The following ATL2 variants were observed in gnomAD, a reference collection of about 807,000 sequenced individuals.
ATL2 encodes atlastin GTPase 2, also known as atlastin-2.
In ATL2, 31 loss-of-function variants were observed where a neutral mutation model predicts 73.9. The observed-to-expected ratio is 0.42, with a 90% confidence interval of 0.32 to 0.57. The LOEUF is 0.57. Ranked by LOEUF, ATL2 falls within the 20% of genes least tolerant of loss-of-function variation. The pLI, the probability that ATL2 is intolerant of heterozygous loss-of-function variation, is 0.14. For missense variants in ATL2, 738 were observed against 702.6 expected, an observed-to-expected ratio of 1.05 and a Z score of -0.57; for synonymous variants, 291 against 237.5, an observed-to-expected ratio of 1.23 and a Z score of -2.07.
chr2:38,315,686 G>A (rs902275541), intron 4 of ATL2, among the ~76,000 whole-genome samples: 113 of 152,108 alleles, frequency 7.4e-4, no homozygotes, highest in African/African-American at 2.7e-3. Context: ...AAGAGTGTAG[G>A]TTATTTCCAC....
intron 2 of ATL2, among the ~76,000 whole-genome samples, chr2:38,338,344 T>C (rs977743149): frequency 6.0e-5 from 8 of 132,290 alleles, no homozygotes; most frequent in Middle Eastern, 3.8e-3. Context: ...TGAAAAACTA[T>C]TGGTTACTAC....
At chr2:38,315,404 T>C in intron 4 of ATL2, 70 bp from the exon 5 acceptor site, 1 of 1,440,772 alleles carries the variant, frequency 6.9e-7, no homozygotes. Context: ...TGTATAACTT[T>C]ACTTGTGGAA....
At chr2:38,326,118 C>T (rs878985900) in intron 2 of ATL2, among the ~76,000 whole-genome samples, 4 of 152,086 alleles carry the variant, frequency 2.6e-5, no homozygotes, top group South Asian at 2.1e-4. Context: ...AGGTGGCATA[C>T]GATGCTTCTG....
chr2:38,360,161 T>C (rs913702261), intron 1 of ATL2, among the ~76,000 whole-genome samples: 17 of 149,064 alleles, frequency 1.1e-4, no homozygotes, highest in African/African-American at 4.2e-4. Context: ...AATACTAAAG[T>C]AAATTTAAAT....
chr2:38,365,993 A>G (rs1414068814), intron 1 of ATL2, among the ~76,000 whole-genome samples: 2 of 152,084 alleles, frequency 1.3e-5, no homozygotes, highest in Non-Finnish European at 2.9e-5. Context: ...ACTTGGCTCA[A>G]TACAGACAAA....
At chr2:38,309,272 ACT>A (rs1238528669) in intron 9 of ATL2, 105 bp downstream of exon 9, 21 of 1,069,986 alleles carry the variant, frequency 2.0e-5, no homozygotes, top group East Asian at 1.6e-4. Flanking sequence ...CACAAATCTT[ACT>A]CTTTTTTGTT....
chr2:38,309,438 C>T lies in ATL2; in HGVS notation c.1012G>A (p.Val338Ile). The change falls in exon 9 of 13, where the codon GTA (valine) becomes ATA (isoleucine). Residue 338 changes from valine (V) to isoleucine (I), a missense_variant. Physicochemically the swap from Val to Ile is conservative, Grantham distance 29 (BLOSUM62 3). Coordinates refer to ENST00000378954, the MANE Select transcript of ATL2 (RefSeq NM_001135673.4). ...VPLLLAPENL[V>I]EKEISGSKVT... ...TTAGATCCACTTATCTCTTTTTCTA[C>T]CAAATTTTCAGGGGCAAGCAGCAAT... 6 of 1,612,606 alleles carry T rather than the reference C, an allele frequency of 3.7e-6. No individual in the cohort carries two copies. Among genetic ancestry groups the T allele is most frequent in the Non-Finnish European group, 5.1e-6 (6 of 1,179,662 alleles).
rs924373914 is a variant in ATL2, at chr2:38,296,414, G to A, written c.1633-301C>T. The A allele has an allele frequency of 3.0e-5, 46 of 1,544,044 alleles. No individual in the cohort carries two copies. The Admixed American group carries it at 3.5e-4, about 12-fold the overall frequency. ...AGCATTTATGCAGACCGGCCCAGACGGTCCTGCTTATTGTCCTACATGTGT... is the reference window on the plus strand; with the variant it reads ...AGCATTTATGCAGACCGGCCCAGACAGTCCTGCTTATTGTCCTACATGTGT... On this transcript the variant is annotated intron_variant, in intron 12 of 12. Transcript: ENST00000378954.
intron 2 of ATL2, among the ~76,000 whole-genome samples, chr2:38,342,450 A>C (rs1431803155): frequency 6.6e-6 from 1 of 152,206 alleles, no homozygotes; most frequent in Non-Finnish European, 1.5e-5. Context: ...GAATACCATA[A>C]TATTTGAGGA....
intron 1 of ATL2, among the ~76,000 whole-genome samples, chr2:38,370,099 G>A (rs1671582666): frequency 7.1e-6 from 1 of 140,520 alleles, no homozygotes; most frequent in Non-Finnish European, 1.5e-5. Flanking sequence ...AGCCTGCAGT[G>A]AGCCGAGATC....
chr2:38,345,942 A>G (rs1477292926), intron 1 of ATL2, among the ~76,000 whole-genome samples: 1 of 152,242 alleles, frequency 6.6e-6, no homozygotes, highest in Non-Finnish European at 1.5e-5. Flanking sequence ...TATGCTACGC[A>G]GTAAGCACCA....
chr2:38,320,787 G>C (rs1212354694), intron 2 of ATL2, among the ~76,000 whole-genome samples: 2 of 152,084 alleles, frequency 1.3e-5, no homozygotes, highest in Non-Finnish European at 2.9e-5. Flanking sequence ...GTTAAGACAG[G>C]ACCAATGAGG....
intron 2 of ATL2, among the ~76,000 whole-genome samples, chr2:38,329,295 G>GT (rs1161660821): frequency 1.3e-5 from 2 of 150,580 alleles, no homozygotes; most frequent in African/African-American, 4.9e-5. Context: ...AGGCATGGTG[G>GT]TGGGCGCCTG....
chr2:38,348,952 G>A (rs1205112758), intron 1 of ATL2, among the ~76,000 whole-genome samples: 1 of 152,048 alleles, frequency 6.6e-6, no homozygotes, highest in Non-Finnish European at 1.5e-5. Flanking sequence ...TCAGAGAAAC[G>A]CAAATCAAAA....
intron 1 of ATL2, among the ~76,000 whole-genome samples, chr2:38,355,949 G>A (rs1230997128): frequency 2.0e-5 from 3 of 151,080 alleles, no homozygotes; most frequent in East Asian, 1.9e-4. Context: ...CCACCACCTC[G>A]CCCTCCCAAA....
chr2:38,334,862 T>C lies in ATL2; in HGVS notation c.363+8406A>G, dbSNP rs530135370. ...TTATAATTTATATTCAATATTTATA[T>C]ATTATATAATATATATTATATAATA... On this transcript the variant is annotated intron_variant, in intron 2 of 12. Transcript: ENST00000378954. 1.1e-4 allele frequency among the ~76,000 whole-genome samples: 5 copies of C among 44,524 alleles called. No homozygotes were observed. In the South Asian group the frequency reaches 3.3e-3, roughly 30 times the overall value. The allele number at this position is 44,524 out of a possible 152,430, so 29.2% of individuals were successfully genotyped here.
At chr2:38,347,587 A>G (rs749642073) in intron 1 of ATL2, among the ~76,000 whole-genome samples, 9 of 152,034 alleles carry the variant, frequency 5.9e-5, no homozygotes, top group South Asian at 2.1e-4. Flanking sequence ...TGTGTACCTG[A>G]TATCTCCCAC....
intron 1 of ATL2, chr2:38,358,349 T>C (rs1670797448): frequency 6.5e-6 from 1 of 153,160 alleles, no homozygotes; most frequent in Non-Finnish European, 1.5e-5. Flanking sequence ...TATACCAAAG[T>C]TCAAAAAAGT....
At chr2:38,320,004 A>G (rs1378329480) in intron 2 of ATL2, among the ~76,000 whole-genome samples, 1 of 152,092 alleles carries the variant, frequency 6.6e-6, no homozygotes, top group African/African-American at 2.4e-5. Flanking sequence ...GCTACTCAGG[A>G]GGCTCAGGCA....
Sources: gnomAD v4.1 joint callset for allele counts (sites outside exome capture counted in the v4.1 genomes callset) on GRCh38, gnomAD v4.1.1 for gene constraint, MANE v1.5 for transcripts, NCBI Gene and HGNC (gene_info 2026-07-23, HGNC 2026-07-21) for gene names.